Variants in CD276 observed in about 807,000 individuals in gnomAD.
CD276 encodes the protein CD276 molecule.
A neutral mutation model predicts 50.0 loss-of-function variants in CD276; 34 were observed. The ratio of observed to expected loss-of-function variants is 0.68; its 90% CI spans 0.52 to 0.91. CD276 has a LOEUF of 0.91. Among genes scored for constraint, CD276 ranks in the 40% least tolerant of loss-of-function variants. The pLI, the probability that CD276 is intolerant of heterozygous loss-of-function variation, is 0.00. For synonymous variants in CD276, 275 were observed against 313.0 expected, an observed-to-expected ratio of 0.88 and a Z score of 1.28; for missense variants, 634 against 717.5, an observed-to-expected ratio of 0.88 and a Z score of 1.33.
At chr15:73,686,303 G>C in intron 1 of CD276, 1 of 985,224 alleles carries the variant, frequency 1.0e-6, no homozygotes, top group Non-Finnish European at 1.2e-6. Context: ...GCTTGTCAGA[G>C]GTAAGGAGCC....
At chr15:73,711,460 G>C (rs1567024832) in intron 9 of CD276, 1 of 386,202 alleles carries the variant, frequency 2.6e-6, no homozygotes, top group Non-Finnish European at 4.7e-6. Flanking sequence ...CTGGAGCCAG[G>C]TTCCACTTAC....
At chr15:73,702,195 C>A in intron 2 of CD276, 60 bp from the exon 3 acceptor site, 2 of 1,384,192 alleles carry the variant, frequency 1.4e-6, no homozygotes, top group African/African-American at 1.4e-5. Flanking sequence ...GGGAGCGGGA[C>A]TAGGGAGGCC....
In CD276 at chr15:73,684,423, T is replaced by C. The variant is rs1157226542; in HGVS notation, c.-92T>C. ...CGCTGCGGCGGCGACTGAGCCAGGC[T>C]GGGCCGCGTCCCTGAGTCCCAGAGT... On this transcript the variant is annotated 5_prime_UTR_variant, in exon 1 of 10. Coordinates refer to ENST00000318443, the MANE Select transcript of CD276 (RefSeq NM_001024736.2). The C allele has an allele frequency of 6.6e-6, 1 of 151,618 alleles. No homozygotes were observed. Among genetic ancestry groups the C allele is most frequent in the East Asian group, 2.0e-4 (1 of 5,114 alleles). The allele number at this position is 151,618 out of a possible 1,614,324, so 9.4% of individuals were successfully genotyped here. A position where few individuals can be genotyped will look rare whatever the true frequency, so the allele number is the denominator to read the frequency against.
rs1370356941 is a variant in CD276, at chr15:73,703,845, A to G, written c.920A>G (p.Tyr307Cys). ...FTEGRDQGSAYANRTALFPDL... is the reference protein window; with the variant it reads ...FTEGRDQGSACANRTALFPDL... ...GAAGGCCGGGACCAGGGCAGCGCCT[A>G]TGCCAACCGCACGGCCCTCTTCCCG... Residue 307 changes from tyrosine (Y) to cysteine (C), a missense_variant, in exon 5 of 10, where the codon TAT becomes TGT. Transcript: ENST00000318443. 1.2e-6 allele frequency: 2 copies of G among 1,613,514 alleles called. No homozygotes were observed. Among genetic ancestry groups the G allele is most frequent in the Admixed American group, 1.7e-5 (1 of 60,014 alleles).
At position 73,708,484 on chromosome 15, in the gene CD276, GTGTA is replaced by G. The variant is rs767250503; in HGVS notation, c.1504+15_1504+18del. On this transcript the variant is annotated intron_variant, in intron 7 of 9. Coordinates refer to ENST00000318443, the MANE Select transcript of CD276 (RefSeq NM_001024736.2). ...AGGAGGAGAATGCAGGTGAGTGTGT[GTGTA>G]TGTGTGTGCGTGCGCATGCACACTT... is the stretch of plus-strand genomic sequence containing the variant. 11 of 1,610,812 alleles carry G rather than the reference GTGTA, an allele frequency of 6.8e-6. 1 individual carries two copies. The Middle Eastern group carries it at 4.9e-4, about 72-fold the overall frequency.
intron 1 of CD276, among the ~76,000 whole-genome samples, chr15:73,694,206 A>C (rs1216748072): frequency 6.6e-6 from 1 of 152,214 alleles, no homozygotes; most frequent in East Asian, 1.9e-4. Flanking sequence ...CCCATTGCTC[A>C]AGCCTTCAGT....
chr15:73,710,884 G>A (rs1269499694), intron 8 of CD276, among the ~76,000 whole-genome samples: 2 of 152,168 alleles, frequency 1.3e-5, no homozygotes, highest in Non-Finnish European at 2.9e-5. Context: ...GAGGGCTCGA[G>A]GGTTGTCCCA....
rs1303749779 is a variant in CD276 at position 73,702,187 on chromosome 15, G to A, written c.80-68G>A. On this transcript the variant is annotated intron_variant, in intron 2 of 9. Coordinates refer to ENST00000318443, the MANE Select transcript of CD276 (RefSeq NM_001024736.2). The stretch of plus-strand genomic sequence containing the variant: ...AGGGCCTGGGGTTAGCAGGGGCAGG[G>A]AGCGGGACTAGGGAGGCCCACCCCT... 5 of 1,282,904 alleles carry A rather than the reference G, an allele frequency of 3.9e-6. No homozygotes were observed. The African/African-American group carries it at 5.9e-5, about 15-fold the overall frequency. 79.5% of individuals were successfully genotyped at this position (1,282,904 alleles called of 1,614,324 possible).
intron 9 of CD276, 194 bp downstream of exon 9, chr15:73,711,364 A>C (rs1270252537): frequency 5.0e-6 from 3 of 601,090 alleles, no homozygotes; most frequent in Non-Finnish European, 5.9e-6. Context: ...TGGGACCCAA[A>C]TACGACAGAG....
intron 8 of CD276, among the ~76,000 whole-genome samples, chr15:73,710,451 C>G (rs1900848446): frequency 6.6e-6 from 1 of 152,166 alleles, no homozygotes; most frequent in Non-Finnish European, 1.5e-5. Flanking sequence ...TGGGTGGGTG[C>G]CAAGGCACTG....
chr15:73,700,601 C>G (rs767075496), intron 2 of CD276, among the ~76,000 whole-genome samples: 2 of 152,120 alleles, frequency 1.3e-5, no homozygotes, highest in East Asian at 3.9e-4. Context: ...GCCTGGGGCA[C>G]CAGGGGTTTC....
intron 1 of CD276, among the ~76,000 whole-genome samples, chr15:73,691,117 G>T (rs536583932): frequency 6.6e-6 from 1 of 151,508 alleles, no homozygotes; most frequent in Non-Finnish European, 1.5e-5. Flanking sequence ...TGACTTGGAA[G>T]ACCAGGAAGA....
Sources: allele counts gnomAD v4.1 joint callset (sites outside exome capture counted in the v4.1 genomes callset), GRCh38; gene constraint gnomAD v4.1.1; transcripts MANE v1.5; gene names NCBI Gene and HGNC (gene_info 2026-07-23, HGNC 2026-07-21).